KIZ: variants seen among roughly 807,000 people sequenced by gnomAD.
The protein encoded by KIZ is kizuna centrosomal protein.
KIZ carries 68 observed loss-of-function variants against 79.6 expected under a neutral mutation model. That is an observed-to-expected ratio of 0.85 (90% CI 0.70 to 1.05). The LOEUF is 1.05. Ranked by LOEUF, KIZ falls within the 50% of genes least tolerant of loss-of-function variation. The pLI, the probability that KIZ is intolerant of heterozygous loss-of-function variation, is 0.00. For synonymous variants in KIZ, 280 were observed against 281.8 expected (o/e 0.99, Z 0.06); for missense variants, 797 against 800.4 (o/e 1.00, Z 0.05).
intron 6 of KIZ, among the ~76,000 whole-genome samples, chr20:21,184,367 T>G (rs972592187): frequency 2.6e-5 from 4 of 152,098 alleles, no homozygotes; most frequent in Non-Finnish European, 5.9e-5. Context: ...GCCAGGCTGG[T>G]CTCGAACTCC....
At chr20:21,144,140 T>A (rs868572866) in intron 3 of KIZ, 2 of 152,154 alleles carry the variant, frequency 1.3e-5, no homozygotes, top group African/African-American at 4.8e-5. Flanking sequence ...TTCAGCAAAA[T>A]GAATTGAATA....
rs1177000231 is a variant in KIZ, at chr20:21,129,501, G to C, written c.90-2596G>C. Among the ~76,000 whole-genome samples, 4 of 152,188 alleles carry C rather than the reference G, an allele frequency of 2.6e-5. No homozygotes were observed. In the East Asian group the frequency reaches 7.7e-4, roughly 29 times the overall value. ...TATAATCCCGGCACTTTGAGAGGCA[G>C]AGGCGGGTGGATCACCTGAGGTGAG... is the stretch of plus-strand genomic sequence containing the variant. On this transcript the variant is annotated intron_variant, in intron 1 of 12. Coordinates refer to ENST00000619189, the MANE Select transcript of KIZ (RefSeq NM_018474.6).
At chr20:21,184,429 C>T (rs543235515) in intron 6 of KIZ, among the ~76,000 whole-genome samples, 11 of 152,302 alleles carry the variant, frequency 7.2e-5, no homozygotes, top group East Asian at 1.9e-4. Flanking sequence ...GGATTACAGG[C>T]GTGAGCCACC....
chr20:21,204,472 A>G (rs531715282), intron 6 of KIZ, among the ~76,000 whole-genome samples: 1 of 151,882 alleles, frequency 6.6e-6, no homozygotes, highest in Non-Finnish European at 1.5e-5. Context: ...AAATTTTATT[A>G]ATTTATTTAT....
intron 9 of KIZ, among the ~76,000 whole-genome samples, chr20:21,221,509 G>A (rs1341711854): frequency 6.6e-6 from 1 of 152,158 alleles, no homozygotes; most frequent in East Asian, 1.9e-4. Flanking sequence ...TTTATCTCAA[G>A]AGGATTAAGC....
At chr20:21,206,145 C>T (rs2035819161) in intron 7 of KIZ, among the ~76,000 whole-genome samples, 2 of 152,272 alleles carry the variant, frequency 1.3e-5, no homozygotes, top group South Asian at 4.1e-4. Flanking sequence ...TCTTATAACA[C>T]TCTAGTTTTC....
intron 9 of KIZ, among the ~76,000 whole-genome samples, chr20:21,224,898 ACAT>A (rs1291150780): frequency 1.3e-5 from 2 of 151,968 alleles, no homozygotes; most frequent in African/African-American, 4.8e-5. Context: ...CCTCTCCTTA[ACAT>A]CATCTCTCTC....
chr20:21,190,693 T>G (rs1430781677), intron 6 of KIZ, among the ~76,000 whole-genome samples: 1 of 152,226 alleles, frequency 6.6e-6, no homozygotes, highest in Non-Finnish European at 1.5e-5. Context: ...AGTAAAAATT[T>G]TCATGGGTCT....
chr20:21,172,699 T>C (rs772219695), intron 6 of KIZ, among the ~76,000 whole-genome samples: 1 of 152,136 alleles, frequency 6.6e-6, no homozygotes, highest in Non-Finnish European at 1.5e-5. Flanking sequence ...GAAAGGTCTC[T>C]ATGGTAAGAT....
At chr20:21,211,632 T>C (rs1047900296) in intron 7 of KIZ, among the ~76,000 whole-genome samples, 2 of 152,220 alleles carry the variant, frequency 1.3e-5, no homozygotes, top group South Asian at 2.1e-4. Context: ...TGAGATGTAA[T>C]AAAGCAACCT....
Position 21,162,957 on chromosome 20 carries a change from G to T in KIZ, c.1150G>T (p.Glu384Ter). 1.2e-6 allele frequency: 2 copies of T among 1,613,842 alleles called. No individual in the cohort carries two copies. The highest frequency in any genetic ancestry group is 1.7e-6 in the Non-Finnish European group (2 of 1,179,804). ...CAGTGACCTTACCATTTCAATAAGT[G>T]AAGATGATCTGATTTTAGAGAGCCC... ...TSSDLTISIS[E>*]DDLILESPEP... The change falls in exon 6 of 13, where the codon GAA becomes TAA. Residue 384 changes from glutamate (E) to a stop codon, truncating the protein, a stop_gained. Transcript: ENST00000619189. LOFTEE classifies it high-confidence loss of function.
At chr20:21,127,452 T>C (rs1158252802) in intron 1 of KIZ, among the ~76,000 whole-genome samples, 1 of 152,246 alleles carries the variant, frequency 6.6e-6, no homozygotes. Context: ...CCTGGCTGTT[T>C]ATAGTCCTTA....
intron 10 of KIZ, among the ~76,000 whole-genome samples, chr20:21,231,413 T>G (rs1221535815): frequency 6.6e-6 from 1 of 152,230 alleles, no homozygotes; most frequent in Non-Finnish European, 1.5e-5. Flanking sequence ...TATGGTACTA[T>G]TAATAACCTT....
intron 11 of KIZ, among the ~76,000 whole-genome samples, chr20:21,241,702 C>A (rs1028396543): frequency 6.6e-6 from 1 of 152,180 alleles, no homozygotes; most frequent in South Asian, 2.1e-4. Flanking sequence ...GTGCCACATG[C>A]GGAAGTGAGG....
At position 21,162,217 on chromosome 20, in the gene KIZ, G is replaced by T; in HGVS notation, c.752G>T (p.Cys251Phe). 2 of 1,613,756 alleles carry T rather than the reference G, an allele frequency of 1.2e-6. No homozygotes were observed. The highest frequency in any genetic ancestry group is 1.7e-6 in the Non-Finnish European group (2 of 1,179,808). Residue 251 changes from cysteine to phenylalanine, a missense_variant, in exon 5 of 13, where the codon TGC becomes TTC. Transcript: ENST00000619189. ...TTGTCTGAGGAGGAACAAACTCATT[G>T]CTTGGAGATAGGAAGTAACACACGT... ...SVLSEEEQTH[C>F]LEIGSNTRHG...
At chr20:21,234,269 G>C (rs2036925890) in intron 11 of KIZ, among the ~76,000 whole-genome samples, 1 of 151,386 alleles carries the variant, frequency 6.6e-6, no homozygotes. Context: ...TGAGACAGAG[G>C]TATTTTGTTA....
At chr20:21,209,263 T>TA (rs2035964203) in intron 7 of KIZ, among the ~76,000 whole-genome samples, 1 of 152,240 alleles carries the variant, frequency 6.6e-6, no homozygotes, top group Non-Finnish European at 1.5e-5. Flanking sequence ...ATTACATAAT[T>TA]GAGCTGCCTG....
intron 11 of KIZ, among the ~76,000 whole-genome samples, chr20:21,236,134 G>GAAC: frequency 6.6e-6 from 1 of 152,304 alleles, no homozygotes; most frequent in Admixed American, 6.5e-5. Context: ...AAGCAAATAA[G>GAAC]AACAATCGCT....
chr20:21,140,024 C>G (rs1373662705), intron 3 of KIZ, among the ~76,000 whole-genome samples: 1 of 152,164 alleles, frequency 6.6e-6, no homozygotes, highest in African/African-American at 2.4e-5. Context: ...CGAACCCAGA[C>G]AGCAATGTCA....
Sources: allele counts gnomAD v4.1 joint callset (sites outside exome capture counted in the v4.1 genomes callset), GRCh38; gene constraint gnomAD v4.1.1; transcripts MANE v1.5; gene names NCBI Gene and HGNC (gene_info 2026-07-23, HGNC 2026-07-21).